The following PSMG2 variants were observed in gnomAD, a reference collection of about 807,000 sequenced individuals.
The protein encoded by PSMG2 is proteasome assembly chaperone 2, also known as CD40 ligand-activated specific transcript 3.
Under a neutral mutation model 31.5 loss-of-function variants are expected in PSMG2, and 21 were observed. The ratio of observed to expected loss-of-function variants is 0.67; its 90% CI spans 0.47 to 0.96. The LOEUF is 0.96. Among genes scored for constraint, PSMG2 ranks in the 40% least tolerant of loss-of-function variants. The pLI is 0.00. For missense variants in PSMG2, 318 were observed against 321.2 expected (o/e 0.99, Z 0.08); for synonymous variants, 120 against 110.4 (o/e 1.09, Z -0.54).
At chr18:12,712,673 A>G (rs2040342422) in intron 2 of PSMG2, 29 bp from the exon 3 acceptor site, 1 of 1,525,316 alleles carries the variant, frequency 6.6e-7, no homozygotes, top group Non-Finnish European at 9.0e-7. Flanking sequence ...TCACTGTCAT[A>G]TGATTTCATT....
At chr18:12,702,623 G>A (rs1296624875), upstream of PSMG2, 18 of 1,479,332 alleles carry the variant, frequency 1.2e-5, no homozygotes, top group Non-Finnish European at 1.5e-5. Context: ...CCGGGCCAGG[G>A]AGCGTTAGGA....
chr18:12,674,316 C>G (rs1205561277), intron 1 of PSMG2, among the ~76,000 whole-genome samples: 4 of 151,836 alleles, frequency 2.6e-5, no homozygotes, highest in African/African-American at 7.3e-5. Context: ...GTGGCACATG[C>G]CTGTGGTCCC....
chr18:12,688,059 T>G (rs549026215), intron 1 of PSMG2, among the ~76,000 whole-genome samples: 1 of 151,460 alleles, frequency 6.6e-6, no homozygotes, highest in Non-Finnish European at 1.5e-5. Flanking sequence ...CTGGCTAACA[T>G]GGTGAAACCC....
upstream of PSMG2, chr18:12,699,867 T>G: frequency 6.3e-7 from 1 of 1,597,800 alleles, no homozygotes; most frequent in Non-Finnish European, 8.5e-7. Context: ...AACAAATAGG[T>G]TGTTTTGGAG....
intron 1 of PSMG2, among the ~76,000 whole-genome samples, chr18:12,694,477 T>C (rs748562706): frequency 1.8e-4 from 27 of 152,160 alleles, no homozygotes; most frequent in Admixed American, 6.5e-4. Context: ...AATCTGCCGA[T>C]CTTTTAAGAC....
intron 1 of PSMG2, among the ~76,000 whole-genome samples, chr18:12,659,415 C>A (rs1160349639): frequency 6.6e-6 from 1 of 152,152 alleles, no homozygotes; most frequent in African/African-American, 2.4e-5. Context: ...GGCCTGTAAT[C>A]CCAGCACTTT....
intron 3 of PSMG2, among the ~76,000 whole-genome samples, chr18:12,718,264 A>G (rs984544029): frequency 5.9e-5 from 9 of 151,908 alleles, no homozygotes; most frequent in African/African-American, 1.9e-4. Flanking sequence ...CTGCCTCCCA[A>G]AGTGCTGGGA....
At chr18:12,678,155 T>G in intron 1 of PSMG2, 2 of 1,614,006 alleles carry the variant, frequency 1.2e-6, no homozygotes, top group Non-Finnish European at 8.5e-7. Context: ...TTCAATTTCA[T>G]TACTTGTTAC....
intron 5 of PSMG2, 29 bp from the exon 6 acceptor site, chr18:12,724,470 A>G (rs991846323): frequency 6.4e-7 from 1 of 1,574,122 alleles, no homozygotes; most frequent in Admixed American, 1.9e-5. Flanking sequence ...CTATGAAAGA[A>G]TACTGATTCT....
chr18:12,707,408 C>G (rs1374199979), intron 2 of PSMG2, among the ~76,000 whole-genome samples: 1 of 152,130 alleles, frequency 6.6e-6, no homozygotes, highest in East Asian at 1.9e-4. Flanking sequence ...GCGCTGGACT[C>G]AGTCTTGTAG....
chr18:12,674,651 T>G (rs758024041), intron 1 of PSMG2: 3 of 1,614,024 alleles, frequency 1.9e-6, no homozygotes. Context: ...AATTCTTCAT[T>G]GCCTGCTGAT....
At chr18:12,667,848 CTTT>C (rs36019439) in intron 1 of PSMG2, among the ~76,000 whole-genome samples, 11,127 of 116,632 alleles carry the variant, frequency 0.095, 689 homozygotes, top group Non-Finnish European at 0.14. Flanking sequence ...CTTTCTGATC[CTTT>C]TTTTTTTTTT....
chr18:12,673,215 A>C, intron 1 of PSMG2: 1 of 1,351,870 alleles, frequency 7.4e-7, no homozygotes, highest in Admixed American at 3.2e-5. Flanking sequence ...GATTTTTTTT[A>C]AACATTACCA....
At chr18:12,676,797 G>A (rs2039151192) in intron 1 of PSMG2, among the ~76,000 whole-genome samples, 1 of 152,166 alleles carries the variant, frequency 6.6e-6, no homozygotes, top group Admixed American at 6.6e-5. Context: ...GTTGACAAGT[G>A]AATAAGAAAT....
chr18:12,708,686 A>C (rs1208776935), intron 2 of PSMG2, among the ~76,000 whole-genome samples: 3 of 139,150 alleles, frequency 2.2e-5, no homozygotes, highest in South Asian at 2.3e-4. Flanking sequence ...AATTCATTTA[A>C]TCTTTACAAC....
intron 1 of PSMG2, among the ~76,000 whole-genome samples, chr18:12,704,387 G>C (rs892314887): frequency 6.6e-6 from 1 of 152,112 alleles, no homozygotes; most frequent in African/African-American, 2.4e-5. Context: ...AGGAGTTCAA[G>C]ACCAGCCTGG....
chr18:12,725,633 C>G lies in PSMG2; in HGVS notation c.*102C>G. 1 of 736,216 alleles carries G rather than the reference C, an allele frequency of 1.4e-6. No individual in the cohort carries two copies. Among genetic ancestry groups the G allele is most frequent in the Non-Finnish European group, 2.1e-6 (1 of 484,146 alleles). The allele number at this position is 736,216 out of a possible 1,614,324, so 45.6% of individuals were successfully genotyped here. A position where few individuals can be genotyped will look rare whatever the true frequency, so the allele number is the denominator to read the frequency against. ...TGTATGATCTGGTATTAGGAAATTACTTTCACAGTAAATATCAAAGAAAAA... is the reference window on the plus strand; with the variant it reads ...TGTATGATCTGGTATTAGGAAATTAGTTTCACAGTAAATATCAAAGAAAAA... On this transcript the variant is annotated 3_prime_UTR_variant, in exon 7 of 7. Transcript: ENST00000317615.
In PSMG2 at chr18:12,724,610, C is replaced by G. The variant is rs768294408; in HGVS notation, c.693C>G (p.Leu231=). The G allele has an allele frequency of 6.2e-7, 1 of 1,600,414 alleles. No homozygotes were observed. Among genetic ancestry groups the G allele is most frequent in the East Asian group, 2.3e-5 (1 of 44,060 alleles). Residue 231 remains leucine, a synonymous_variant, in exon 6 of 7, where the codon CTC becomes CTG. Coordinates refer to ENST00000317615, the MANE Select transcript of PSMG2 (RefSeq NM_020232.5). ...ATCTTAATGAGTGGCTTCAGATACT[C>G]AAACCACTTGTAAGTTCTATTATAG... The part of the protein sequence containing the change: ...VEYLNEWLQI[L]KPLSDDPTVS...
At chr18:12,715,021 T>C (rs2040364697) in intron 3 of PSMG2, among the ~76,000 whole-genome samples, 2 of 150,164 alleles carry the variant, frequency 1.3e-5, no homozygotes, top group Admixed American at 1.3e-4. Context: ...GCCCTCTTTT[T>C]TTTTGAGGCA....
Sources: gnomAD v4.1 joint callset for allele counts (sites outside exome capture counted in the v4.1 genomes callset) on GRCh38, gnomAD v4.1.1 for gene constraint, MANE v1.5 for transcripts, NCBI Gene and HGNC (gene_info 2026-07-23, HGNC 2026-07-21) for gene names.